Variants in B3GLCT observed in about 807,000 individuals in gnomAD.
The protein encoded by B3GLCT is beta 3-glucosyltransferase.
A neutral mutation model predicts 63.4 loss-of-function variants in B3GLCT; 65 were observed. That is an observed-to-expected ratio of 1.03 (90% CI 0.84 to 1.26). The LOEUF is 1.26. B3GLCT is among the 50% of genes most tolerant of loss of function. B3GLCT has a pLI of 0.00. For missense variants in B3GLCT, 577 were observed against 604.8 expected (o/e 0.95, Z 0.48); for synonymous variants, 233 against 219.2 (o/e 1.06, Z -0.55).
intron 4 of B3GLCT, among the ~76,000 whole-genome samples, chr13:31,237,874 C>T (rs558116742): frequency 6.6e-6 from 1 of 152,276 alleles, no homozygotes; most frequent in Non-Finnish European, 1.5e-5. Flanking sequence ...CCTCATGTCA[C>T]CTGGGACCCC....
At chr13:31,222,074 ATTTTTTT>A (rs5802597) in intron 2 of B3GLCT, among the ~76,000 whole-genome samples, 6 of 92,950 alleles carry the variant, frequency 6.5e-5, no homozygotes, top group African/African-American at 1.7e-4. Flanking sequence ...TGTGCTCCTG[ATTTTTTT>A]TTTTTTTTTT....
chr13:31,266,319 C>T (rs1025729845), intron 7 of B3GLCT, among the ~76,000 whole-genome samples: 1 of 152,248 alleles, frequency 6.6e-6, no homozygotes, highest in East Asian at 1.9e-4. Context: ...TGAGCCACCA[C>T]ACCCGGCCCA....
chr13:31,200,881 C>T (rs1041581908), intron 1 of B3GLCT, among the ~76,000 whole-genome samples: 1 of 152,116 alleles, frequency 6.6e-6, no homozygotes, highest in African/African-American at 2.4e-5. Flanking sequence ...CTGGGGACAT[C>T]AGGGGACACG....
At chr13:31,203,960 A>T (rs575229645) in intron 1 of B3GLCT, among the ~76,000 whole-genome samples, 2 of 152,364 alleles carry the variant, frequency 1.3e-5, no homozygotes, top group East Asian at 3.9e-4. Context: ...CCTCTCATTT[A>T]TTCAGAGTAA....
chr13:31,314,457 T>A (rs1177490182), intron 12 of B3GLCT, among the ~76,000 whole-genome samples: 1 of 152,090 alleles, frequency 6.6e-6, no homozygotes, highest in Non-Finnish European at 1.5e-5. Context: ...TCAAAGGAGA[T>A]CCTTTTGGAA....
At chr13:31,211,201 C>G (rs370684847) in intron 1 of B3GLCT, among the ~76,000 whole-genome samples, 2 of 152,124 alleles carry the variant, frequency 1.3e-5, no homozygotes, top group Admixed American at 1.3e-4. Flanking sequence ...TTGAGACTAG[C>G]CTGGCCAACA....
At chr13:31,260,514 T>A (rs902056975) in intron 6 of B3GLCT, 1 of 162,788 alleles carries the variant, frequency 6.1e-6, no homozygotes, top group African/African-American at 2.4e-5. Flanking sequence ...TGTGGTAGAT[T>A]CTCAATAAAA....
chr13:31,202,883 T>A (rs974773858), intron 1 of B3GLCT, among the ~76,000 whole-genome samples: 1 of 152,222 alleles, frequency 6.6e-6, no homozygotes, highest in African/African-American at 2.4e-5. Context: ...GAAGCCTGGA[T>A]GCCAGATGGA....
At chr13:31,231,307 C>G (rs952875355) in intron 4 of B3GLCT, among the ~76,000 whole-genome samples, 1 of 152,226 alleles carries the variant, frequency 6.6e-6, no homozygotes, top group Admixed American at 6.5e-5. Context: ...GTGATGACAT[C>G]AGAACCACAG....
intron 3 of B3GLCT, among the ~76,000 whole-genome samples, chr13:31,224,672 A>G (rs1870001139): frequency 5.9e-5 from 9 of 152,064 alleles, no homozygotes; most frequent in Admixed American, 5.9e-4. Flanking sequence ...ATTCACTAGT[A>G]TATGATTATT....
At chr13:31,218,479 C>A (rs1431778204) in intron 2 of B3GLCT, among the ~76,000 whole-genome samples, 3 of 152,128 alleles carry the variant, frequency 2.0e-5, no homozygotes, top group Admixed American at 6.5e-5. Flanking sequence ...AGCCACCACG[C>A]CGGGCCTTTT....
At chr13:31,269,643 G>C (rs1924819) in intron 8 of B3GLCT, among the ~76,000 whole-genome samples, 106,129 of 136,632 alleles carry the variant, frequency 0.78, 38,400 homozygotes, top group Middle Eastern at 0.84. Flanking sequence ...TCATGTCCCC[G>C]CCCCCCTAAT....
rs149436124 is a variant in B3GLCT at position 31,256,173 on chromosome 13, T to C, written c.460-4773T>C. Among the ~76,000 whole-genome samples the C allele has an allele frequency of 5.7e-3, 873 of 152,000 alleles. 11 individuals are homozygous for C. Among genetic ancestry groups the C allele is most frequent in the African/African-American group, 0.02 (840 of 41,468 alleles). On this transcript the variant is annotated intron_variant, in intron 6 of 14. Transcript: ENST00000343307. ...AGACATTTATGCAGCCAAAAACATA[T>C]GAAAAAAAAGTTCATCATCACTGGT...
chr13:31,319,245 C>T lies in B3GLCT; in HGVS notation c.1184+1560C>T, dbSNP rs76143321. On this transcript the variant is annotated intron_variant, in intron 13 of 14. Coordinates refer to ENST00000343307, the MANE Select transcript of B3GLCT (RefSeq NM_194318.4). ...CTTCTGTGCTCAGCGTCTACCCTGCCCCTGGGTACTTCCCACCACCTCTAG... is the reference window on the plus strand; with the variant it reads ...CTTCTGTGCTCAGCGTCTACCCTGCTCCTGGGTACTTCCCACCACCTCTAG... 5.6e-3 allele frequency among the ~76,000 whole-genome samples: 847 copies of T among 152,280 alleles called. 12 individuals are homozygous for T. Among genetic ancestry groups the T allele is most frequent in the African/African-American group, 0.02 (814 of 41,558 alleles).
intron 4 of B3GLCT, among the ~76,000 whole-genome samples, chr13:31,246,635 T>TA (rs1340656060): frequency 7.5e-4 from 113 of 151,660 alleles, no homozygotes; most frequent in African/African-American, 2.4e-3. Context: ...GTATATAAAA[T>TA]AAAAAACTGC....
chr13:31,248,017 G>A, intron 6 of B3GLCT, 51 bp downstream of exon 6: 1 of 1,025,662 alleles, frequency 9.7e-7, no homozygotes, highest in African/African-American at 1.6e-5. Flanking sequence ...GTGTTTCAAA[G>A]GAGATTTAAT....
rs185569589 is a variant in B3GLCT, at chr13:31,298,442, G to T, written c.1064+11623G>T. On this transcript the variant is annotated intron_variant, in intron 12 of 14. Transcript: ENST00000343307. ...GCAGGCTTCCCTTCAATCTTGTCAG[G>T]TTCCAAAGCTGGAGCGGTCTTGGCA... Among the ~76,000 whole-genome samples, 683 of 152,238 alleles carry T rather than the reference G, an allele frequency of 4.5e-3. 4 individuals carry two copies. Among genetic ancestry groups the T allele is most frequent in the Non-Finnish European group, 7.3e-3 (498 of 68,010 alleles).
intron 10 of B3GLCT, among the ~76,000 whole-genome samples, chr13:31,281,408 G>A (rs1365026938): frequency 6.6e-6 from 1 of 152,160 alleles, no homozygotes; most frequent in Non-Finnish European, 1.5e-5. Flanking sequence ...AGGCTTACAT[G>A]TACTGTGGTA....
chr13:31,256,711 G>A (rs1211355395), intron 6 of B3GLCT, among the ~76,000 whole-genome samples: 1 of 152,176 alleles, frequency 6.6e-6, no homozygotes, highest in Non-Finnish European at 1.5e-5. Flanking sequence ...TCATAAGTGG[G>A]AGTTAATCAA....
Sources: gnomAD v4.1 joint callset for allele counts (sites outside exome capture counted in the v4.1 genomes callset) on GRCh38, gnomAD v4.1.1 for gene constraint, MANE v1.5 for transcripts, NCBI Gene and HGNC (gene_info 2026-07-23, HGNC 2026-07-21) for gene names.